The following LHX2 variants were observed in gnomAD, a reference collection of about 807,000 sequenced individuals.
LHX2 encodes the protein LIM/homeobox protein Lhx2.
A neutral mutation model predicts 33.0 loss-of-function variants in LHX2; 6 were observed. The observed-to-expected ratio is 0.18, with a 90% CI of 0.10 to 0.36. The LOEUF (loss-of-function observed/expected upper bound fraction) is 0.36. LHX2 is among the 10% of genes least tolerant of loss of function. The pLI, the probability that LHX2 is intolerant of heterozygous loss-of-function variation, is 1.00. For missense variants in LHX2, 442 were observed against 586.2 expected (o/e 0.75, Z 2.54); for synonymous variants, 292 against 253.1 (o/e 1.15, Z -1.46).
At chr9:124,030,068 G>A (rs1285702979) in intron 4 of LHX2, among the ~76,000 whole-genome samples, 1 of 152,244 alleles carries the variant, frequency 6.6e-6, no homozygotes, top group Non-Finnish European at 1.5e-5. Context: ...TGGGCGGAGA[G>A]CCAGGGAAAA....
intron 1 of LHX2, among the ~76,000 whole-genome samples, chr9:124,013,542 G>A (rs992477032): frequency 6.6e-6 from 1 of 152,252 alleles, no homozygotes; most frequent in Non-Finnish European, 1.5e-5. Context: ...TCTGTGTGGA[G>A]GGTGACTTAA....
chr9:124,030,597 G>A (rs1161073356), intron 4 of LHX2, among the ~76,000 whole-genome samples: 2 of 151,248 alleles, frequency 1.3e-5, no homozygotes, highest in African/African-American at 4.9e-5. Flanking sequence ...CTTAGGTGCT[G>A]GCTGTGTAGA....
At position 124,012,518 on chromosome 9, in the gene LHX2, C is replaced by T; in HGVS notation, c.120+50C>T. The T allele has an allele frequency of 6.9e-7, 1 of 1,451,884 alleles. No individual in the cohort carries two copies. The highest frequency in any genetic ancestry group is 1.3e-5 in the South Asian group (1 of 74,834). 89.9% of individuals were successfully genotyped at this position (1,451,884 alleles called of 1,614,324 possible). A position where few individuals can be genotyped will look rare whatever the true frequency, so the allele number is the denominator to read the frequency against. ...GGCTGAGAGCTGGGATGGGGCCGGG[C>T]CAGTCAGCGCCTCTGCTCCCCGAAG... On this transcript the variant is annotated intron_variant, in intron 1 of 4. Coordinates refer to ENST00000373615, the MANE Select transcript of LHX2 (RefSeq NM_004789.4). This position sits in a 1 kb window ranked among gnomAD's most constrained non-coding sequence, Gnocchi z 4.3.
intron 4 of LHX2, among the ~76,000 whole-genome samples, chr9:124,028,444 T>C (rs1163442065): frequency 6.6e-6 from 1 of 152,160 alleles, no homozygotes; most frequent in Admixed American, 6.5e-5. Context: ...AGACTGCACC[T>C]TGTTGCTTGC....
intron 4 of LHX2, among the ~76,000 whole-genome samples, chr9:124,030,915 G>C (rs1828696758): frequency 6.6e-6 from 1 of 152,128 alleles, no homozygotes; most frequent in Non-Finnish European, 1.5e-5. Context: ...TTACGGGCTT[G>C]AGCCACTGTG....
At position 124,015,473 on chromosome 9, in the gene LHX2, G is replaced by T; in HGVS notation, c.675G>T (p.Pro225=). The T allele has an allele frequency of 1.3e-6, 2 of 1,503,546 alleles. No individual in the cohort carries two copies. Among genetic ancestry groups the T allele is most frequent in the African/African-American group, 1.4e-5 (1 of 71,326 alleles). The allele number at this position is 1,503,546 out of a possible 1,614,324, so 93.1% of individuals were successfully genotyped here. A position where few individuals can be genotyped will look rare whatever the true frequency, so the allele number is the denominator to read the frequency against. Residue 225 remains proline (P), a synonymous_variant, in exon 3 of 5, where the codon CCG becomes CCT. Transcript: ENST00000373615. This position sits in a 1 kb window ranked among gnomAD's most constrained non-coding sequence, Gnocchi z 7.9. ...NGVGTVQKGR[P]RKRKSPGPGA... ...TGGGCACTGTGCAGAAGGGGCGGCC[G>T]AGGAAACGTAAGAGCCCGGGCCCCG...
chr9:124,032,586 T>G lies in LHX2; in HGVS notation c.1100T>G (p.Leu367Arg), dbSNP rs1305418533. Residue 367 changes from leucine to arginine, a missense_variant, in exon 5 of 5, where the codon CTG becomes CGG. Coordinates refer to ENST00000373615, the MANE Select transcript of LHX2 (RefSeq NM_004789.4). The surrounding 1 kb of genome is among the most constrained non-coding windows in gnomAD (Gnocchi z 4.1). ...SLSPSSTPTT[L>R]TDLTSPTLPT... ...AGCCCCTCCAGCACGCCCACCACCCTGACAGACTTGACTAGCCCCACCCTG... is the reference window on the plus strand; with the variant it reads ...AGCCCCTCCAGCACGCCCACCACCCGGACAGACTTGACTAGCCCCACCCTG... 3 of 1,614,166 alleles carry G rather than the reference T, an allele frequency of 1.9e-6. No individual in the cohort carries two copies. The South Asian group carries it at 3.3e-5, about 18-fold the overall frequency.
At chr9:124,017,251 T>C (rs1162078781) in intron 3 of LHX2, among the ~76,000 whole-genome samples, 2 of 152,160 alleles carry the variant, frequency 1.3e-5, no homozygotes, top group African/African-American at 4.8e-5. Context: ...TGTCTCTGTG[T>C]GTGTCGTGTT....
At chr9:124,013,916 T>G (rs1354660295) in intron 1 of LHX2, 45 bp from the exon 2 acceptor site, 1 of 1,585,118 alleles carries the variant, frequency 6.3e-7, no homozygotes, top group East Asian at 2.2e-5. Context: ...GAGGGGCCGC[T>G]GGCTGACGCA....
In LHX2 at chr9:124,032,484, T is replaced by A. The variant is rs1462081942; in HGVS notation, c.998T>A (p.Val333Glu). The A allele has an allele frequency of 6.2e-7, 1 of 1,611,456 alleles. No homozygotes were observed. Among genetic ancestry groups the A allele is most frequent in the South Asian group, 1.1e-5 (1 of 91,040 alleles). ...CTCTTACGGCAGGAAAACACGGGCGTGGACAAGTCGACAGACGCGGCGCTG... is the reference window on the plus strand; with the variant it reads ...CTCTTACGGCAGGAAAACACGGGCGAGGACAAGTCGACAGACGCGGCGCTG... ...RNLLRQENTGVDKSTDAALQT... is the reference protein window; with the variant it reads ...RNLLRQENTGEDKSTDAALQT... The change falls in exon 5 of 5, where the codon GTG becomes GAG. Residue 333 changes from valine to glutamate, a missense_variant. This residue lies in a region of LHX2 where 109 missense variants were observed against 98.7 expected (regional missense o/e 1.10). Transcript: ENST00000373615. The surrounding 1 kb of genome is among the most constrained non-coding windows in gnomAD (Gnocchi z 4.1).
intron 4 of LHX2, among the ~76,000 whole-genome samples, chr9:124,031,099 A>G (rs1828698531): frequency 6.6e-6 from 1 of 152,146 alleles, no homozygotes; most frequent in Non-Finnish European, 1.5e-5. Context: ...GCCCCGCCGC[A>G]CGTCCCTCAT....
chr9:124,020,692 T>C (rs867440745), intron 3 of LHX2, among the ~76,000 whole-genome samples: 24 of 152,242 alleles, frequency 1.6e-4, no homozygotes, highest in Middle Eastern at 3.4e-3. Context: ...TAATACCTGG[T>C]GCTCCTAGGA....
intron 1 of LHX2, 94 bp from the exon 2 acceptor site, chr9:124,013,867 G>A: frequency 1.7e-6 from 2 of 1,165,988 alleles, no homozygotes; most frequent in South Asian, 1.4e-5. Context: ...GGTAGCCAAG[G>A]CCACAGAGGG....
chr9:124,017,751 CGTCGGGGCGCCGGGCGCT>C (rs1859216370), intron 3 of LHX2, among the ~76,000 whole-genome samples: 1 of 151,802 alleles, frequency 6.6e-6, no homozygotes, highest in Non-Finnish European at 1.5e-5. Flanking sequence ...GAGGGGGCGC[CGTCGGGGCGCCGGGCGCT>C]GGGCTTACAG....
chr9:124,012,239 G>C lies in LHX2; in HGVS notation c.-110G>C. ...GCCGAGCTCGGGCGGGGCCGGGGCC[G>C]CGGTGGCGATGCACCGGGCCCGTTA... is the stretch of plus-strand genomic sequence containing the variant. On this transcript the variant is annotated 5_prime_UTR_variant, in exon 1 of 5. Transcript: ENST00000373615. This position sits in a 1 kb window ranked among gnomAD's most constrained non-coding sequence, Gnocchi z 4.3. The C allele has an allele frequency of 9.0e-7, 1 of 1,117,302 alleles. No homozygotes were observed. The highest frequency in any genetic ancestry group is 1.1e-6 in the Non-Finnish European group (1 of 884,750). 69.2% of individuals were successfully genotyped at this position (1,117,302 alleles called of 1,614,324 possible). A position where few individuals can be genotyped will look rare whatever the true frequency, so the allele number is the denominator to read the frequency against.
In LHX2 at chr9:124,032,535, CCTCGGAGCT is replaced by C. The variant is rs1270372794; in HGVS notation, c.1053_1061del (p.Glu352_Ser354del). 3 of 1,613,854 alleles carry C rather than the reference CCTCGGAGCT, an allele frequency of 1.9e-6. No individual in the cohort carries two copies. In the African/African-American group the frequency reaches 4.0e-5, roughly 22 times the overall value. Reference sequence around the variant, plus strand: ...CAGACAGGGACGCCATCGGGCCCGGCCTCGGAGCTCTCCAACGCCTCGCTCAGCCCCTCC... The same window carrying C: ...CAGACAGGGACGCCATCGGGCCCGGCCTCCAACGCCTCGCTCAGCCCCTCC... On this transcript the variant is annotated inframe_deletion, in exon 5 of 5. Coordinates refer to ENST00000373615, the MANE Select transcript of LHX2 (RefSeq NM_004789.4). The surrounding 1 kb of genome is among the most constrained non-coding windows in gnomAD (Gnocchi z 4.1).
chr9:124,032,623 G>A lies in LHX2; in HGVS notation c.1137G>A (p.Thr379=), dbSNP rs145536168. ...CTAGCCCCACCCTGCCAACTGTGAC[G>A]TCCGTCTTAACTTCTGTGCCTGGCA... ...DLTSPTLPTV[T]SVLTSVPGNL... is the part of the protein sequence containing the mutation. Residue 379 remains threonine, a synonymous_variant, in exon 5 of 5, where the codon ACG becomes ACA. Transcript: ENST00000373615. This position sits in a 1 kb window ranked among gnomAD's most constrained non-coding sequence, Gnocchi z 4.1. 3.1e-6 allele frequency: 5 copies of A among 1,614,094 alleles called. No homozygotes were observed. Among genetic ancestry groups the A allele is most frequent in the East Asian group, 2.2e-5 (1 of 44,884 alleles).
At position 124,014,294 on chromosome 9, in the gene LHX2, C is replaced by G. The variant is rs559704373; in HGVS notation, c.323+131C>G. The G allele has an allele frequency of 5.1e-4, 315 of 621,180 alleles. 2 individuals carry two copies. The East Asian group carries it at 6.8e-3, about 13-fold the overall frequency. 38.5% of individuals were successfully genotyped at this position (621,180 alleles called of 1,614,324 possible). A position where few individuals can be genotyped will look rare whatever the true frequency, so the allele number is the denominator to read the frequency against. The stretch of plus-strand genomic sequence containing the variant: ...TACTCAGGACTCCCCCGCTCCCCCC[C>G]CAAGTTCTCCAAGCCACCACAAGTT... On this transcript the variant is annotated intron_variant, in intron 2 of 4. Transcript: ENST00000373615. The surrounding 1 kb of genome is among the most constrained non-coding windows in gnomAD (Gnocchi z 4.8).
intron 4 of LHX2, among the ~76,000 whole-genome samples, chr9:124,026,366 G>A (rs1054435047): frequency 6.6e-6 from 1 of 151,338 alleles, no homozygotes; most frequent in African/African-American, 2.4e-5. Context: ...GCTGAGGCAG[G>A]AGGAGGATCG....
Sources: allele counts gnomAD v4.1 joint callset (sites outside exome capture counted in the v4.1 genomes callset), GRCh38; gene constraint gnomAD v4.1.1; regional missense constraint gnomAD v4.1.1; non-coding constraint Gnocchi (gnomAD v3.1); transcripts MANE v1.5; gene names NCBI Gene and HGNC (gene_info 2026-07-23, HGNC 2026-07-21).